Variants in KCNH7 observed in about 807,000 individuals in gnomAD.
KCNH7 encodes the protein voltage-gated inwardly rectifying potassium channel KCNH7.
Under a neutral mutation model 120.8 loss-of-function variants are expected in KCNH7, and 49 were observed. The observed-to-expected ratio is 0.41, with a 90% confidence interval of 0.32 to 0.51. The LOEUF (loss-of-function observed/expected upper bound fraction) is 0.51, where lower values mean the gene tolerates loss of function less well. KCNH7 is among the 20% of genes least tolerant of loss of function. The pLI is 0.38. For synonymous variants in KCNH7, 547 were observed against 516.1 expected (o/e 1.06, Z -0.81); for missense variants, 1,097 against 1,446.6 (o/e 0.76, Z 3.92).
At chr2:162,641,992 T>A (rs1684173709) in intron 2 of KCNH7, among the ~76,000 whole-genome samples, 1 of 152,166 alleles carries the variant, frequency 6.6e-6, no homozygotes, top group African/African-American at 2.4e-5. Flanking sequence ...GTTATTTTAT[T>A]TTGTTTGTTC....
intron 2 of KCNH7, among the ~76,000 whole-genome samples, chr2:162,741,197 A>G (rs145254094): frequency 0.014 from 1,821 of 129,782 alleles, 193 homozygotes; most frequent in African/African-American, 0.066. Flanking sequence ...TATGTTATTA[A>G]TTATACATAT....
At chr2:162,473,306 T>C (rs185353287) in intron 6 of KCNH7, among the ~76,000 whole-genome samples, 108 of 151,064 alleles carry the variant, frequency 7.1e-4, no homozygotes, top group African/African-American at 2.5e-3. Flanking sequence ...GACTGAGGAG[T>C]TTGGCTTGGG....
chr2:162,691,468 T>G (rs1397183783), intron 2 of KCNH7, among the ~76,000 whole-genome samples: 1 of 152,152 alleles, frequency 6.6e-6, no homozygotes. Flanking sequence ...TGATTTCTGC[T>G]AACTCACTTC....
chr2:162,822,560 T>TCAAA (rs112679659), intron 2 of KCNH7, among the ~76,000 whole-genome samples: 3,927 of 152,268 alleles, frequency 0.026, 164 homozygotes, highest in African/African-American at 0.089. Flanking sequence ...ATCATCCCTT[T>TCAAA]CAAACAGGTA....
intron 8 of KCNH7, among the ~76,000 whole-genome samples, chr2:162,430,509 G>A (rs975114198): frequency 6.6e-6 from 1 of 152,016 alleles, no homozygotes; most frequent in Non-Finnish European, 1.5e-5. Flanking sequence ...GTCTGCTTAG[G>A]TTATTTCTCC....
chr2:162,822,372 C>A (rs896546324), intron 2 of KCNH7, among the ~76,000 whole-genome samples: 7 of 152,042 alleles, frequency 4.6e-5, no homozygotes, highest in Non-Finnish European at 1.0e-4. Flanking sequence ...TAAACACGGT[C>A]CTCACAAAGC....
At chr2:162,631,648 T>C (rs1683771415) in intron 2 of KCNH7, among the ~76,000 whole-genome samples, 1 of 151,980 alleles carries the variant, frequency 6.6e-6, no homozygotes, top group Non-Finnish European at 1.5e-5. Flanking sequence ...GTAAATATAG[T>C]TATAACACTC....
chr2:162,609,382 T>C (rs1360090341), intron 2 of KCNH7, among the ~76,000 whole-genome samples: 2 of 152,154 alleles, frequency 1.3e-5, no homozygotes, highest in Non-Finnish European at 2.9e-5. Context: ...TCTTTTTTTC[T>C]TTTTTTGGAG....
chr2:162,459,412 T>C (rs1408663430), intron 6 of KCNH7, among the ~76,000 whole-genome samples: 1 of 152,060 alleles, frequency 6.6e-6, no homozygotes, highest in African/African-American at 2.4e-5. Context: ...ATTCCTAAAG[T>C]GTAGTTATTG....
chr2:162,770,952 G>C (rs1056832228), intron 2 of KCNH7, among the ~76,000 whole-genome samples: 2 of 151,990 alleles, frequency 1.3e-5, no homozygotes, highest in African/African-American at 4.8e-5. Flanking sequence ...CTATGGTCTG[G>C]TCCAAAAATC....
intron 2 of KCNH7, among the ~76,000 whole-genome samples, chr2:162,683,968 C>T (rs891660821): frequency 1.3e-5 from 2 of 151,970 alleles, no homozygotes; most frequent in Non-Finnish European, 2.9e-5. Flanking sequence ...GCTACGGTAA[C>T]GAAAACAGCG....
At chr2:162,428,664 G>T (rs1434313142) in intron 8 of KCNH7, among the ~76,000 whole-genome samples, 2 of 151,800 alleles carry the variant, frequency 1.3e-5, no homozygotes, top group African/African-American at 4.8e-5. Flanking sequence ...TTGTGAATTT[G>T]TCAATTTCTC....
At chr2:162,508,078 T>G (rs1433534335) in intron 5 of KCNH7, among the ~76,000 whole-genome samples, 3 of 151,770 alleles carry the variant, frequency 2.0e-5, no homozygotes, top group African/African-American at 7.2e-5. Context: ...TCCTGTATAT[T>G]ACAGTTAGGG....
chr2:162,544,307 G>C (rs1415603977), intron 2 of KCNH7, among the ~76,000 whole-genome samples: 3 of 152,088 alleles, frequency 2.0e-5, no homozygotes, highest in African/African-American at 7.2e-5. Flanking sequence ...TTTATTTCTG[G>C]ACTGGGCTAG....
intron 2 of KCNH7, among the ~76,000 whole-genome samples, chr2:162,759,855 G>A (rs956307846): frequency 6.6e-6 from 1 of 152,118 alleles, no homozygotes; most frequent in African/African-American, 2.4e-5. Context: ...ATGAGAATGT[G>A]TATTTGCTTC....
intron 14 of KCNH7, among the ~76,000 whole-genome samples, chr2:162,378,377 A>G (rs1252696075): frequency 1.3e-5 from 2 of 152,216 alleles, no homozygotes; most frequent in Non-Finnish European, 2.9e-5. Context: ...TGCTGAATAA[A>G]TAACTGCTGC....
At chr2:162,552,205 T>C (rs549912257) in intron 2 of KCNH7, among the ~76,000 whole-genome samples, 1 of 152,354 alleles carries the variant, frequency 6.6e-6, no homozygotes, top group South Asian at 2.1e-4. Flanking sequence ...CCTTGCTTAC[T>C]GGCTCTGCTC....
chr2:162,542,162 T>G (rs1692329789), intron 2 of KCNH7, among the ~76,000 whole-genome samples: 1 of 151,716 alleles, frequency 6.6e-6, no homozygotes, highest in Non-Finnish European at 1.5e-5. Flanking sequence ...TATCTCTCTT[T>G]TTTTTTTTAC....
At chr2:162,744,790 G>T (rs1688258801) in intron 2 of KCNH7, among the ~76,000 whole-genome samples, 2 of 151,954 alleles carry the variant, frequency 1.3e-5, no homozygotes, top group South Asian at 2.1e-4. Context: ...AGCCAGGATG[G>T]TCTCGGTCTC....
Sources: allele counts gnomAD v4.1 joint callset (sites outside exome capture counted in the v4.1 genomes callset), GRCh38; gene constraint gnomAD v4.1.1; transcripts MANE v1.5; gene names NCBI Gene and HGNC (gene_info 2026-07-23, HGNC 2026-07-21).